Variants in TRAPPC9 observed in about 807,000 individuals in gnomAD.
TRAPPC9 encodes the protein IKK2 binding protein.
TRAPPC9 carries 83 observed loss-of-function variants against 124.0 expected under a neutral mutation model. The observed-to-expected ratio is 0.67, with a 90% CI of 0.56 to 0.80. The LOEUF is 0.80. Among genes scored for constraint, TRAPPC9 ranks in the 30% least tolerant of loss-of-function variants. TRAPPC9 has a pLI of 0.00. For synonymous variants in TRAPPC9, 638 were observed against 617.5 expected, an observed-to-expected ratio of 1.03 and a Z score of -0.49; for missense variants, 1,302 against 1,508.3, an observed-to-expected ratio of 0.86 and a Z score of 2.27.
chr8:139,884,050 C>T (rs1283962674), intron 21 of TRAPPC9, among the ~76,000 whole-genome samples: 1 of 152,186 alleles, frequency 6.6e-6, no homozygotes, highest in East Asian at 1.9e-4. Context: ...GGACCTCTCC[C>T]ATGGCGACCT....
At chr8:140,458,418 C>G (rs772512179), upstream of TRAPPC9, 1 of 1,591,528 alleles carries the variant, frequency 6.3e-7, no homozygotes, top group Non-Finnish European at 8.6e-7. Flanking sequence ...CACGGTCGTG[C>G]CCCCCACGTG....
At chr8:140,385,831 T>C (rs544768634) in intron 7 of TRAPPC9, among the ~76,000 whole-genome samples, 1 of 152,284 alleles carries the variant, frequency 6.6e-6, no homozygotes, top group African/African-American at 2.4e-5. Flanking sequence ...GCCAGCATCA[T>C]CCTGATACCA....
chr8:140,125,778 T>C (rs59268246), intron 17 of TRAPPC9, among the ~76,000 whole-genome samples: 2,724 of 151,900 alleles, frequency 0.018, 88 homozygotes, highest in African/African-American at 0.062. Flanking sequence ...TGTACTTTAG[T>C]GAGACGGGTT....
intron 17 of TRAPPC9, among the ~76,000 whole-genome samples, chr8:140,206,139 A>G (rs990029233): frequency 6.6e-6 from 1 of 152,260 alleles, no homozygotes; most frequent in Non-Finnish European, 1.5e-5. Flanking sequence ...TAACAAAGAA[A>G]GAAAGAAAAA....
At chr8:140,308,738 G>A (rs775063231) in intron 10 of TRAPPC9, among the ~76,000 whole-genome samples, 20 of 152,120 alleles carry the variant, frequency 1.3e-4, no homozygotes, top group East Asian at 1.9e-4. Flanking sequence ...AATATTAGCC[G>A]GTCGTGGTGC....
At chr8:140,400,891 C>G (rs907796974) in intron 6 of TRAPPC9, among the ~76,000 whole-genome samples, 1 of 152,162 alleles carries the variant, frequency 6.6e-6, no homozygotes, top group Non-Finnish European at 1.5e-5. Flanking sequence ...TCCATGCTAG[C>G]CATTCTGCAT....
chr8:140,294,182 G>A (rs191605475), intron 11 of TRAPPC9, among the ~76,000 whole-genome samples: 119 of 152,148 alleles, frequency 7.8e-4, no homozygotes, highest in Admixed American at 2.4e-3. Flanking sequence ...AGAAACTCAG[G>A]TCTTGTCCTT....
chr8:140,058,374 C>T (rs1485251691), intron 17 of TRAPPC9, among the ~76,000 whole-genome samples: 3 of 152,162 alleles, frequency 2.0e-5, no homozygotes, highest in Non-Finnish European at 4.4e-5. Context: ...ATTGGTCTTT[C>T]TCTGCATGAG....
intron 9 of TRAPPC9, among the ~76,000 whole-genome samples, chr8:140,341,892 G>A (rs760844959): frequency 3.3e-5 from 5 of 152,222 alleles, no homozygotes; most frequent in African/African-American, 4.8e-5. Context: ...AGGCGGCCTG[G>A]GCCAGACTGA....
chr8:140,351,059 C>T (rs568557710), intron 9 of TRAPPC9, among the ~76,000 whole-genome samples: 3 of 151,476 alleles, frequency 2.0e-5, no homozygotes, highest in African/African-American at 4.8e-5. Flanking sequence ...GGCCTCTCAA[C>T]GAATCCAAGG....
At chr8:140,019,041 GTTTC>G (rs537958583) in intron 18 of TRAPPC9, among the ~76,000 whole-genome samples, 111 of 152,266 alleles carry the variant, frequency 7.3e-4, no homozygotes, top group African/African-American at 2.6e-3. Context: ...GTCAAATAAT[GTTTC>G]TTTATCAACT....
chr8:140,187,730 A>C (rs1022708205), intron 17 of TRAPPC9, among the ~76,000 whole-genome samples: 1 of 152,158 alleles, frequency 6.6e-6, no homozygotes, highest in Admixed American at 6.5e-5. Context: ...GCTGGAGTAC[A>C]GTGGCTCGAT....
chr8:140,076,394 G>A (rs537921564), intron 17 of TRAPPC9, among the ~76,000 whole-genome samples: 10 of 152,168 alleles, frequency 6.6e-5, no homozygotes, highest in South Asian at 2.1e-4. Flanking sequence ...TTTACAACTC[G>A]TGCATCCTTG....
At chr8:140,334,373 G>A (rs1259363503) in intron 9 of TRAPPC9, among the ~76,000 whole-genome samples, 2 of 151,736 alleles carry the variant, frequency 1.3e-5, no homozygotes, top group African/African-American at 2.4e-5. Flanking sequence ...TCCATGGCTC[G>A]GCAAGGTGGC....
At chr8:139,750,141 C>T (rs186065694) in intron 21 of TRAPPC9, among the ~76,000 whole-genome samples, 3 of 152,166 alleles carry the variant, frequency 2.0e-5, no homozygotes, top group African/African-American at 7.2e-5. Flanking sequence ...ATAGACCTCA[C>T]CTCAGTCCTG....
chr8:140,261,651 G>A lies in TRAPPC9; in HGVS notation c.2279-8722C>T, dbSNP rs557369621. 8.5e-5 allele frequency among the ~76,000 whole-genome samples: 13 copies of A among 152,168 alleles called. 1 individual carries two copies. The highest frequency in any genetic ancestry group is 1.9e-4 in the Non-Finnish European group (13 of 68,030). ...TTTCAGCTCTCAGTCTAGCGTATCA[G>A]GAGTGTACAACTAAATTCAAAAACT... On this transcript the variant is annotated intron_variant, in intron 15 of 22. Transcript: ENST00000438773.
At chr8:140,107,742 C>T (rs763913510) in intron 17 of TRAPPC9, among the ~76,000 whole-genome samples, 1 of 152,174 alleles carries the variant, frequency 6.6e-6, no homozygotes, top group Non-Finnish European at 1.5e-5. Context: ...ATGAGAAGAG[C>T]TGAGGCAAGA....
At chr8:140,291,294 G>C (rs1190145137) in intron 11 of TRAPPC9, 2 of 621,722 alleles carry the variant, frequency 3.2e-6, no homozygotes, top group African/African-American at 3.6e-5. Context: ...CCACATGAAT[G>C]GCGCTTGTCA....
intron 17 of TRAPPC9, among the ~76,000 whole-genome samples, chr8:140,193,553 A>G (rs1385907945): frequency 1.4e-5 from 2 of 146,934 alleles, no homozygotes; most frequent in East Asian, 4.1e-4. Context: ...TTCAGATTTG[A>G]GCCAGAAGGA....
Sources: gnomAD v4.1 joint callset for allele counts (sites outside exome capture counted in the v4.1 genomes callset) on GRCh38, gnomAD v4.1.1 for gene constraint, MANE v1.5 for transcripts, NCBI Gene and HGNC (gene_info 2026-07-23, HGNC 2026-07-21) for gene names.